The following SUMF1 variants were observed in gnomAD, a reference collection of about 807,000 sequenced individuals.
The protein encoded by SUMF1 is formylglycine-generating enzyme.
In SUMF1, 48 loss-of-function variants were observed where a neutral mutation model predicts 47.6. The observed-to-expected ratio is 1.01, with a 90% CI of 0.80 to 1.28. The LOEUF is 1.28. Among genes scored for constraint, SUMF1 ranks in the 50% most tolerant of loss-of-function variants. The pLI, the probability that SUMF1 is intolerant of heterozygous loss-of-function variation, is 0.00. For missense variants in SUMF1, 571 were observed against 485.4 expected, an observed-to-expected ratio of 1.18 and a Z score of -1.66; for synonymous variants, 230 against 192.1, an observed-to-expected ratio of 1.20 and a Z score of -1.63.
intron 8 of SUMF1, among the ~76,000 whole-genome samples, chr3:4,302,306 G>C (rs955734038): frequency 6.6e-6 from 1 of 152,166 alleles, no homozygotes; most frequent in Non-Finnish European, 1.5e-5. Context: ...GGCAGACAAC[G>C]AGAAGCGGGT....
chr3:4,385,293 C>T (rs1424024123), intron 7 of SUMF1, among the ~76,000 whole-genome samples: 1 of 152,196 alleles, frequency 6.6e-6, no homozygotes, highest in African/African-American at 2.4e-5. Context: ...GTATCCTAGC[C>T]AGTCACTACT....
intron 8 of SUMF1, among the ~76,000 whole-genome samples, chr3:4,285,146 A>G (rs1185359951): frequency 1.3e-5 from 2 of 152,168 alleles, no homozygotes; most frequent in Non-Finnish European, 2.9e-5. Context: ...CTTGGGTACA[A>G]TTATAATTAT....
chr3:4,413,521 T>C (rs748170284), intron 6 of SUMF1, among the ~76,000 whole-genome samples: 7 of 152,028 alleles, frequency 4.6e-5, no homozygotes, highest in Non-Finnish European at 1.0e-4. Context: ...AAAATAAAAA[T>C]GTTAACTGCC....
intron 7 of SUMF1, among the ~76,000 whole-genome samples, chr3:4,385,371 A>G (rs1280420640): frequency 2.0e-5 from 3 of 152,108 alleles, no homozygotes; most frequent in African/African-American, 7.2e-5. Flanking sequence ...GTATTTCTCC[A>G]GTGCTAATGA....
In SUMF1 at chr3:4,304,758, G is replaced by C. The variant is rs564093977; in HGVS notation, c.1014+71572C>G. ...CAGCTTTCAAAGATGTCAAGGAAAA[G>C]AATCAAACTCTAAAATATTTGAAGA... On this transcript the variant is annotated intron_variant and NMD_transcript_variant, in intron 8 of 12. Coordinates refer to the SUMF1 transcript ENST00000448413. 4.6e-5 allele frequency among the ~76,000 whole-genome samples: 7 copies of C among 152,280 alleles called. No homozygotes were observed. The South Asian group carries it at 1.4e-3, about 32-fold the overall frequency.
rs549182605 is a variant in SUMF1, at chr3:4,082,586, G to T, written c.1015-13841C>A. ...ACTCTGGCAACAACCAAAGGTCTGA[G>T]ACAAGGATTGCTGATGTGGAGTGAA... On this transcript the variant is annotated intron_variant and NMD_transcript_variant, in intron 8 of 12. Transcript: ENST00000448413. 1.1e-3 allele frequency among the ~76,000 whole-genome samples: 161 copies of T among 152,208 alleles called. 1 individual carries two copies. In the South Asian group the frequency reaches 0.032, roughly 30 times the overall value.
intron 9 of SUMF1, among the ~76,000 whole-genome samples, chr3:4,039,917 G>A (rs1050918881): frequency 2.6e-5 from 4 of 152,044 alleles, no homozygotes; most frequent in Non-Finnish European, 5.9e-5. Context: ...CAGCTACTTG[G>A]GAGCCTGAGA....
chr3:4,108,543 AT>A (rs1383838440), intron 8 of SUMF1, among the ~76,000 whole-genome samples: 1 of 152,018 alleles, frequency 6.6e-6, no homozygotes, highest in African/African-American at 2.4e-5. Context: ...TCCCATTACT[AT>A]GGTGTGGGAG....
chr3:4,209,796 T>A (rs904897352), intron 8 of SUMF1, among the ~76,000 whole-genome samples: 3 of 152,172 alleles, frequency 2.0e-5, no homozygotes, highest in Non-Finnish European at 2.9e-5. Context: ...GGAATACATT[T>A]ATCAAACTAT....
chr3:4,271,597 G>C (rs1471961863), intron 8 of SUMF1, among the ~76,000 whole-genome samples: 4 of 152,088 alleles, frequency 2.6e-5, no homozygotes, highest in Non-Finnish European at 5.9e-5. Flanking sequence ...GAAATCCCAG[G>C]CTCAAGTGAT....
At chr3:4,425,467 T>C (rs1343400602) in intron 3 of SUMF1, among the ~76,000 whole-genome samples, 3 of 152,170 alleles carry the variant, frequency 2.0e-5, no homozygotes, top group Non-Finnish European at 4.4e-5. Flanking sequence ...ATATTCTAAT[T>C]AGTGAAAATC....
At chr3:4,166,117 G>GTCTTTCC (rs1694701196) in intron 8 of SUMF1, among the ~76,000 whole-genome samples, 1 of 152,034 alleles carries the variant, frequency 6.6e-6, no homozygotes, top group South Asian at 2.1e-4. Flanking sequence ...CTGCACCCTT[G>GTCTTTCC]TCTTTCCTCT....
chr3:4,046,128 A>G (rs746013827), intron 9 of SUMF1, among the ~76,000 whole-genome samples: 10 of 152,134 alleles, frequency 6.6e-5, no homozygotes, highest in Non-Finnish European at 1.0e-4. Flanking sequence ...CAGGGGGAGA[A>G]AGGAGGGGAA....
chr3:4,339,624 C>A (rs1245418764), intron 8 of SUMF1, among the ~76,000 whole-genome samples: 1 of 152,060 alleles, frequency 6.6e-6, no homozygotes, highest in African/African-American at 2.4e-5. Context: ...TAGACTGCCC[C>A]CTGGAAAGAG....
chr3:4,141,521 A>G (rs1000673617), intron 8 of SUMF1, among the ~76,000 whole-genome samples: 2 of 152,000 alleles, frequency 1.3e-5, no homozygotes, highest in Admixed American at 6.6e-5. Context: ...TTAAATGTCA[A>G]CTCAAGCGGC....
chr3:4,107,820 T>A (rs1486348554), intron 8 of SUMF1, among the ~76,000 whole-genome samples: 1 of 152,038 alleles, frequency 6.6e-6, no homozygotes, highest in East Asian at 1.9e-4. Flanking sequence ...TAAGTGCAAA[T>A]ATAAAGAGCT....
intron 8 of SUMF1, among the ~76,000 whole-genome samples, chr3:4,212,589 A>G (rs532384938): frequency 6.6e-6 from 1 of 152,310 alleles, no homozygotes; most frequent in South Asian, 2.1e-4. Context: ...TAAGCTTTAG[A>G]AGGTGGTAAA....
chr3:4,126,805 T>A (rs941643144), intron 8 of SUMF1, among the ~76,000 whole-genome samples: 7 of 152,180 alleles, frequency 4.6e-5, no homozygotes, highest in Non-Finnish European at 1.0e-4. Flanking sequence ...AAAGAAATAA[T>A]TTTTCAGTCC....
intron 8 of SUMF1, among the ~76,000 whole-genome samples, chr3:4,248,178 G>C (rs527681255): frequency 1.3e-5 from 2 of 152,316 alleles, no homozygotes; most frequent in East Asian, 1.9e-4. Context: ...CATTGAGGCT[G>C]AAGTGTCCAC....
Sources: allele counts gnomAD v4.1 joint callset (sites outside exome capture counted in the v4.1 genomes callset), GRCh38; gene constraint gnomAD v4.1.1; transcripts MANE v1.5; gene names NCBI Gene and HGNC (gene_info 2026-07-23, HGNC 2026-07-21).